Variants in SLC36A1 observed in about 807,000 individuals in gnomAD.
The protein encoded by SLC36A1 is proton-coupled amino acid transporter 1.
A neutral mutation model predicts 47.5 loss-of-function variants in SLC36A1; 30 were observed. The ratio of observed to expected loss-of-function variants is 0.63; its 90% CI spans 0.47 to 0.86. SLC36A1 has a LOEUF of 0.86. Ranked by LOEUF, SLC36A1 falls within the 40% of genes least tolerant of loss-of-function variation. The pLI, the probability that SLC36A1 is intolerant of heterozygous loss-of-function variation, is 0.00. For synonymous variants in SLC36A1, 255 were observed against 249.7 expected (o/e 1.02, Z -0.20); for missense variants, 517 against 606.0 (o/e 0.85, Z 1.54).
the SLC36A1 span, among the ~76,000 whole-genome samples, chr5:151,423,804 T>G: frequency 2.0e-5 from 3 of 152,226 alleles, no homozygotes; most frequent in African/African-American, 7.2e-5. Flanking sequence ...GATAATGCTG[T>G]GTCAAGGTAG....
At chr5:151,503,676 G>C in the SLC36A1 span, among the ~76,000 whole-genome samples, 1 of 152,170 alleles carries the variant, frequency 6.6e-6, no homozygotes, top group Non-Finnish European at 1.5e-5. Flanking sequence ...AGGAGGGCCA[G>C]CTTCCCAAGA....
Position 151,488,155 on chromosome 5 carries a change from C to T in SLC36A1, c.1332C>T (p.Gly444=), listed in dbSNP as rs535373146. ...AGGACGCCCTGATCAGCATCCTGGG[C>T]TTCGTGGGCTTTGTGGTGGGGACCT... ...IFKDALISIL[G]FVGFVVGTYE... is the part of the protein sequence containing the mutation. Residue 444 remains glycine (G), a synonymous_variant, in exon 11 of 11, where the codon GGC becomes GGT. Transcript: ENST00000243389. 4 of 1,614,158 alleles carry T rather than the reference C, an allele frequency of 2.5e-6. No homozygotes were observed. In the African/African-American group the frequency reaches 5.3e-5, roughly 22 times the overall value.
At chr5:151,512,180 A>G in the SLC36A1 span, 1 of 1,613,488 alleles carries the variant, frequency 6.2e-7, no homozygotes, top group South Asian at 1.1e-5. The surrounding 1 kb of genome is among the most constrained non-coding windows in gnomAD (Gnocchi z 4.1). Context: ...CCATGGGTCC[A>G]TGAGCACTTC....
chr5:151,496,310 GT>G (rs1431204082), downstream of SLC36A1, among the ~76,000 whole-genome samples: 1 of 152,226 alleles, frequency 6.6e-6, no homozygotes, highest in African/African-American at 2.4e-5. Flanking sequence ...CCTCAGCTAT[GT>G]GGAACTGTAA....
chr5:151,394,918 C>G, the SLC36A1 span, among the ~76,000 whole-genome samples: 1 of 152,346 alleles, frequency 6.6e-6, no homozygotes, highest in East Asian at 1.9e-4. Flanking sequence ...AACCACTACT[C>G]TCTTCAAAGC....
At chr5:151,420,795 A>C in the SLC36A1 span, among the ~76,000 whole-genome samples, 1 of 152,162 alleles carries the variant, frequency 6.6e-6, no homozygotes, top group Non-Finnish European at 1.5e-5. Context: ...GACCTTTTAA[A>C]ATATATTTAT....
chr5:151,507,593 C>G, the SLC36A1 span: 2 of 1,604,928 alleles, frequency 1.2e-6, no homozygotes, highest in Admixed American at 1.7e-5. Flanking sequence ...CTGAACAACC[C>G]CTCGCCTCCA....
At chr5:151,460,560 C>G (rs995022372) in intron 2 of SLC36A1, among the ~76,000 whole-genome samples, 1 of 152,028 alleles carries the variant, frequency 6.6e-6, no homozygotes, top group Non-Finnish European at 1.5e-5. Flanking sequence ...GGAAGCCTAT[C>G]TGTAGTTGAT....
chr5:151,512,477 G>A, the SLC36A1 span: 9 of 1,614,088 alleles, frequency 5.6e-6, no homozygotes, highest in South Asian at 1.1e-5. The surrounding 1 kb of genome is among the most constrained non-coding windows in gnomAD (Gnocchi z 4.1). Flanking sequence ...ACCATCAGGC[G>A]AATGGAAGCG....
At chr5:151,536,133 G>GT in the SLC36A1 span, among the ~76,000 whole-genome samples, 2 of 152,134 alleles carry the variant, frequency 1.3e-5, no homozygotes, top group African/African-American at 4.8e-5. Context: ...GGAGGAAGGG[G>GT]TTATCATGCA....
the SLC36A1 span, among the ~76,000 whole-genome samples, chr5:151,514,706 CTCTCAGCTGATCA>C: frequency 6.6e-6 from 1 of 152,198 alleles, no homozygotes; most frequent in Non-Finnish European, 1.5e-5. Flanking sequence ...CTCATTCCCA[CTCTCAGCTGATCA>C]TCTCACATCC....
chr5:151,381,932 A>G, the SLC36A1 span: 2 of 378,166 alleles, frequency 5.3e-6, no homozygotes, highest in African/African-American at 2.1e-5. Context: ...CCTTGTCTTG[A>G]TGAATCTGCT....
At chr5:151,346,153 A>G in the SLC36A1 span, among the ~76,000 whole-genome samples, 1 of 152,204 alleles carries the variant, frequency 6.6e-6, no homozygotes, top group Non-Finnish European at 1.5e-5. Flanking sequence ...GTATCAGTTC[A>G]GGACACAAGA....
chr5:151,393,138 TC>T, the SLC36A1 span, among the ~76,000 whole-genome samples: 1 of 151,852 alleles, frequency 6.6e-6, no homozygotes, highest in Middle Eastern at 3.4e-3. Context: ...GTTGAATTGA[TC>T]CCTTTACCAT....
the SLC36A1 span, chr5:151,510,919 G>A: frequency 2.0e-5 from 3 of 152,530 alleles, no homozygotes; most frequent in Non-Finnish European, 4.4e-5. Flanking sequence ...TGAGGGACAG[G>A]GAGAGTTTGA....
intron 7 of SLC36A1, among the ~76,000 whole-genome samples, chr5:151,472,709 A>T (rs1232927505): frequency 6.6e-6 from 1 of 152,230 alleles, no homozygotes; most frequent in South Asian, 2.1e-4. Context: ...AAGGAAGAGA[A>T]CCAATATAAA....
At chr5:151,399,307 G>A in the SLC36A1 span, among the ~76,000 whole-genome samples, 7 of 151,536 alleles carry the variant, frequency 4.6e-5, no homozygotes, top group South Asian at 2.1e-4. Context: ...GGCTGGTCTC[G>A]AATTCCTGAC....
chr5:151,388,850 A>T, the SLC36A1 span, among the ~76,000 whole-genome samples: 4 of 152,314 alleles, frequency 2.6e-5, no homozygotes, highest in East Asian at 5.8e-4. Flanking sequence ...TATATGCCTC[A>T]TCTATAAAAT....
At chr5:151,493,870 A>G (rs970057216), downstream of SLC36A1, among the ~76,000 whole-genome samples, 2 of 152,192 alleles carry the variant, frequency 1.3e-5, no homozygotes, top group Non-Finnish European at 2.9e-5. Context: ...TCATAATCAC[A>G]AAGGGCTTAT....
Sources: gnomAD v4.1 joint callset for allele counts (sites outside exome capture counted in the v4.1 genomes callset) on GRCh38, gnomAD v4.1.1 for gene constraint, Gnocchi (gnomAD v3.1) non-coding constraint, MANE v1.5 for transcripts, NCBI Gene and HGNC (gene_info 2026-07-23, HGNC 2026-07-21) for gene names.